ERC2: variants seen among roughly 807,000 people sequenced by gnomAD.
ERC2 encodes the protein ELKS/RAB6-interacting/CAST family member 2.
A neutral mutation model predicts 114.8 loss-of-function variants in ERC2; 42 were observed. The ratio of observed to expected loss-of-function variants is 0.37; its 90% CI spans 0.29 to 0.47. The LOEUF (loss-of-function observed/expected upper bound fraction) is 0.47, where lower values mean the gene tolerates loss of function less well. Among genes scored for constraint, ERC2 ranks in the 20% least tolerant of loss-of-function variants. ERC2 has a pLI of 0.99. For synonymous variants in ERC2, 454 were observed against 425.5 expected (o/e 1.07, Z -0.82); for missense variants, 939 against 1,150.7 (o/e 0.82, Z 2.66).
chr3:55,602,435 G>C (rs1338936717), intron 17 of ERC2, among the ~76,000 whole-genome samples: 1 of 152,210 alleles, frequency 6.6e-6, no homozygotes, highest in Admixed American at 6.5e-5. Context: ...ATCTCAGACA[G>C]AGGCACCATA....
chr3:56,003,018 C>T (rs1347595116), intron 10 of ERC2: 2 of 1,057,870 alleles, frequency 1.9e-6, no homozygotes, highest in African/African-American at 1.6e-5. Context: ...AAAACCTCCC[C>T]AGTATGGCAC....
chr3:55,737,590 A>T (rs919929481), intron 14 of ERC2, among the ~76,000 whole-genome samples: 2 of 152,196 alleles, frequency 1.3e-5, no homozygotes, highest in African/African-American at 2.4e-5. Context: ...AAACAAACTA[A>T]AGGACCGATA....
chr3:55,786,611 C>T (rs2069517674), intron 14 of ERC2, among the ~76,000 whole-genome samples: 1 of 152,178 alleles, frequency 6.6e-6, no homozygotes, highest in South Asian at 2.1e-4. Flanking sequence ...TGGGTACGTA[C>T]TATTATTATC....
intron 14 of ERC2, among the ~76,000 whole-genome samples, chr3:55,865,196 G>T (rs1216963541): frequency 6.6e-6 from 1 of 152,066 alleles, no homozygotes; most frequent in Non-Finnish European, 1.5e-5. Flanking sequence ...ACTAGGCCTG[G>T]TACTTACTAC....
At chr3:56,181,693 A>C (rs773178947) in intron 3 of ERC2, among the ~76,000 whole-genome samples, 1 of 152,196 alleles carries the variant, frequency 6.6e-6, no homozygotes, top group Non-Finnish European at 1.5e-5. Flanking sequence ...ACTTCTAACA[A>C]ATAGAATAAG....
At chr3:56,134,579 G>A (rs562416165) in intron 6 of ERC2, among the ~76,000 whole-genome samples, 1 of 151,848 alleles carries the variant, frequency 6.6e-6, no homozygotes, top group African/African-American at 2.4e-5. Context: ...TTTTTTTGGT[G>A]GGGGGGTTTA....
chr3:55,893,782 CT>C (rs1435223907), intron 13 of ERC2, among the ~76,000 whole-genome samples: 1 of 152,140 alleles, frequency 6.6e-6, no homozygotes, highest in African/African-American at 2.4e-5. Flanking sequence ...TTTGACACCC[CT>C]CCCACATGTA....
chr3:56,125,570 A>T (rs1162549489), intron 6 of ERC2, among the ~76,000 whole-genome samples: 5 of 152,204 alleles, frequency 3.3e-5, no homozygotes, highest in African/African-American at 1.2e-4. Flanking sequence ...GGCTAGATTG[A>T]AAAAAGATTT....
intron 12 of ERC2, among the ~76,000 whole-genome samples, chr3:55,959,381 C>T (rs956628459): frequency 6.6e-6 from 1 of 152,154 alleles, no homozygotes; most frequent in Non-Finnish European, 1.5e-5. Flanking sequence ...AAAGCCAATG[C>T]TAAGAAATGA....
At chr3:56,159,567 A>G (rs2081941419) in intron 4 of ERC2, among the ~76,000 whole-genome samples, 1 of 152,166 alleles carries the variant, frequency 6.6e-6, no homozygotes, top group Non-Finnish European at 1.5e-5. Context: ...ACTCGGGTAT[A>G]CTGCAAGATG....
At chr3:55,791,858 G>GAA (rs112572048) in intron 14 of ERC2, among the ~76,000 whole-genome samples, 1 of 152,032 alleles carries the variant, frequency 6.6e-6, no homozygotes, top group Non-Finnish European at 1.5e-5. Context: ...TTCTAGTGGG[G>GAA]AAAAAACATG....
chr3:56,442,451 G>A (rs2062362227), intron 1 of ERC2, among the ~76,000 whole-genome samples: 1 of 151,850 alleles, frequency 6.6e-6, no homozygotes, highest in South Asian at 2.1e-4. Context: ...CAACTCCTAA[G>A]CTCAAGTGAT....
intron 17 of ERC2, among the ~76,000 whole-genome samples, chr3:55,525,436 C>T (rs746347920): frequency 7.9e-5 from 12 of 152,116 alleles, no homozygotes; most frequent in Non-Finnish European, 1.2e-4. Context: ...GCCCAGGATG[C>T]CCCGAGACAC....
At chr3:55,778,871 A>G (rs2068802642) in intron 14 of ERC2, among the ~76,000 whole-genome samples, 1 of 152,216 alleles carries the variant, frequency 6.6e-6, no homozygotes, top group Admixed American at 6.5e-5. Flanking sequence ...AAGTTTAATC[A>G]AGGAGAAAAA....
intron 6 of ERC2, 112 bp downstream of exon 6, chr3:56,139,397 C>T: frequency 1.0e-6 from 1 of 1,004,864 alleles, no homozygotes; most frequent in Admixed American, 2.9e-5. Context: ...TTTCAAAATA[C>T]ATCTGGCCCC....
chr3:56,436,724 T>C (rs995741704), intron 1 of ERC2, among the ~76,000 whole-genome samples: 5 of 152,204 alleles, frequency 3.3e-5, no homozygotes, highest in Non-Finnish European at 5.9e-5. Context: ...CAAGACTCCA[T>C]ACTAGGACTC....
At chr3:56,094,965 A>C (rs2077976246) in intron 6 of ERC2, among the ~76,000 whole-genome samples, 12 of 152,260 alleles carry the variant, frequency 7.9e-5, no homozygotes, top group Admixed American at 7.8e-4. Context: ...GTGCTAAAAC[A>C]GATGGGGTTG....
intron 13 of ERC2, among the ~76,000 whole-genome samples, chr3:55,922,065 G>C (rs1180125997): frequency 6.6e-6 from 1 of 152,068 alleles, no homozygotes; most frequent in Non-Finnish European, 1.5e-5. Flanking sequence ...ACCTCCTCCA[G>C]TCACTTAGTC....
intron 17 of ERC2, among the ~76,000 whole-genome samples, chr3:55,588,755 C>A (rs1028056658): frequency 6.6e-6 from 1 of 151,984 alleles, no homozygotes; most frequent in African/African-American, 2.4e-5. Context: ...ACAAAGGGAT[C>A]CAGAGATGCT....
Sources: gnomAD v4.1 joint callset for allele counts (sites outside exome capture counted in the v4.1 genomes callset) on GRCh38, gnomAD v4.1.1 for gene constraint, MANE v1.5 for transcripts, NCBI Gene and HGNC (gene_info 2026-07-23, HGNC 2026-07-21) for gene names.